Variants in ZFAND3 observed in about 807,000 individuals in gnomAD.
ZFAND3 encodes the protein zinc finger AN1-type containing 3, also known as AN1-type zinc finger protein 3.
A neutral mutation model predicts 29.6 loss-of-function variants in ZFAND3; 10 were observed. The ratio of observed to expected loss-of-function variants is 0.34; its 90% CI spans 0.21 to 0.57. The LOEUF (loss-of-function observed/expected upper bound fraction) is 0.57. Ranked by LOEUF, ZFAND3 falls within the 20% of genes least tolerant of loss-of-function variation. The pLI is 0.86. For missense variants in ZFAND3, 230 were observed against 304.5 expected, an observed-to-expected ratio of 0.76 and a Z score of 1.82; for synonymous variants, 128 against 112.6, an observed-to-expected ratio of 1.14 and a Z score of -0.87.
At position 38,152,834 on chromosome 6, in the gene ZFAND3, T is replaced by C. The variant is rs1393177771; in HGVS notation, c.*445T>C. On this transcript the variant is annotated 3_prime_UTR_variant, in exon 6 of 6. Coordinates refer to ENST00000287218, the MANE Select transcript of ZFAND3 (RefSeq NM_021943.3). ...GATCGGCCTTTCACCTCTTCACTTATCCTTAGTCCCAGTAGCCAGGATACC... is the reference window on the plus strand; with the variant it reads ...GATCGGCCTTTCACCTCTTCACTTACCCTTAGTCCCAGTAGCCAGGATACC... 2.0e-6 allele frequency: 2 copies of C among 986,288 alleles called. No individual in the cohort carries two copies. Among genetic ancestry groups the C allele is most frequent in the South Asian group, 4.7e-5 (1 of 21,288 alleles). The allele number at this position is 986,288 out of a possible 1,614,324, so 61.1% of individuals were successfully genotyped here.
At chr6:37,828,983 T>C (rs975642983) in intron 1 of ZFAND3, among the ~76,000 whole-genome samples, 8 of 152,202 alleles carry the variant, frequency 5.3e-5, no homozygotes, top group African/African-American at 1.9e-4. Flanking sequence ...CAGTTGCTGC[T>C]GAAATCTAAA....
intron 1 of ZFAND3, among the ~76,000 whole-genome samples, chr6:37,928,975 T>G (rs1195556468): frequency 1.3e-5 from 2 of 152,212 alleles, no homozygotes; most frequent in Non-Finnish European, 2.9e-5. Flanking sequence ...CCTAGAACAG[T>G]CTGCCCACCT....
intron 3 of ZFAND3, among the ~76,000 whole-genome samples, chr6:38,073,512 C>A (rs924271790): frequency 1.3e-5 from 2 of 152,020 alleles, no homozygotes; most frequent in African/African-American, 2.4e-5. Context: ...AGGTGACAGC[C>A]CCTAATTTTG....
At chr6:37,850,404 A>G (rs1764259562) in intron 1 of ZFAND3, among the ~76,000 whole-genome samples, 2 of 152,222 alleles carry the variant, frequency 1.3e-5, no homozygotes, top group Non-Finnish European at 2.9e-5. Context: ...CATACGGAGA[A>G]TAAGTCACTG....
chr6:38,108,650 C>G (rs1765255118), intron 4 of ZFAND3, among the ~76,000 whole-genome samples: 1 of 152,206 alleles, frequency 6.6e-6, no homozygotes. Context: ...CTTCCTCCTG[C>G]TGTGTTCTGG....
At chr6:37,860,685 A>G (rs896131770) in intron 1 of ZFAND3, among the ~76,000 whole-genome samples, 6 of 137,998 alleles carry the variant, frequency 4.3e-5, no homozygotes, top group African/African-American at 1.1e-4. Flanking sequence ...AGTTAACACT[A>G]TATACCATAT....
intron 1 of ZFAND3, among the ~76,000 whole-genome samples, chr6:37,852,775 G>A (rs777194302): frequency 6.6e-6 from 1 of 150,808 alleles, no homozygotes; most frequent in Non-Finnish European, 1.5e-5. Flanking sequence ...CAGTGCAGTG[G>A]CATGATCTCG....
At chr6:37,962,483 C>T (rs1017173902) in intron 2 of ZFAND3, among the ~76,000 whole-genome samples, 1 of 152,144 alleles carries the variant, frequency 6.6e-6, no homozygotes, top group Admixed American at 6.5e-5. Flanking sequence ...TATCCAAGTA[C>T]ATGTGAGAGG....
At chr6:37,842,161 C>T (rs574684503) in intron 1 of ZFAND3, among the ~76,000 whole-genome samples, 36 of 152,252 alleles carry the variant, frequency 2.4e-4, no homozygotes, top group Non-Finnish European at 4.7e-4. Flanking sequence ...CTATCACATT[C>T]GGTATTCGGT....
chr6:37,843,417 G>A (rs992914780), intron 1 of ZFAND3, among the ~76,000 whole-genome samples: 3 of 151,834 alleles, frequency 2.0e-5, no homozygotes, highest in African/African-American at 7.3e-5. Flanking sequence ...AACCCGGGAG[G>A]CGGAGCTTGC....
At chr6:38,075,629 A>G (rs1352666627) in intron 3 of ZFAND3, among the ~76,000 whole-genome samples, 1 of 152,230 alleles carries the variant, frequency 6.6e-6, no homozygotes, top group African/African-American at 2.4e-5. Flanking sequence ...TTGATAAAAC[A>G]ATAGCAGAGT....
At chr6:38,073,336 GA>G (rs569460054) in intron 3 of ZFAND3, among the ~76,000 whole-genome samples, 4,014 of 117,760 alleles carry the variant, frequency 0.034, 135 homozygotes, top group African/African-American at 0.11. Context: ...AACTATGTTT[GA>G]AAAAAAAAAA....
intron 1 of ZFAND3, among the ~76,000 whole-genome samples, chr6:37,894,261 C>T (rs769217365): frequency 6.6e-6 from 1 of 152,086 alleles, no homozygotes; most frequent in Non-Finnish European, 1.5e-5. Flanking sequence ...AAAAATAAAG[C>T]AGTTGTCTTT....
At chr6:37,886,688 T>C (rs1429319486) in intron 1 of ZFAND3, among the ~76,000 whole-genome samples, 1 of 152,126 alleles carries the variant, frequency 6.6e-6, no homozygotes, top group East Asian at 1.9e-4. Context: ...ATGTTTTGGA[T>C]TTTATAATTA....
At chr6:37,950,464 G>T (rs1761979128) in intron 2 of ZFAND3, among the ~76,000 whole-genome samples, 1 of 150,784 alleles carries the variant, frequency 6.6e-6, no homozygotes, top group African/African-American at 2.4e-5. Flanking sequence ...TGCAACCTCT[G>T]CCCCCTAGGT....
At chr6:38,033,481 G>A (rs1484918801) in intron 2 of ZFAND3, among the ~76,000 whole-genome samples, 3 of 152,130 alleles carry the variant, frequency 2.0e-5, no homozygotes, top group African/African-American at 7.2e-5. Context: ...CTCATTTTAA[G>A]ACAGGGGTTC....
intron 3 of ZFAND3, among the ~76,000 whole-genome samples, chr6:38,067,505 A>G (rs570569496): frequency 6.6e-6 from 1 of 152,228 alleles, no homozygotes; most frequent in Non-Finnish European, 1.5e-5. Flanking sequence ...TCTAAAGGAC[A>G]TTGCATGCAA....
chr6:38,128,511 A>G (rs990029172), intron 5 of ZFAND3, among the ~76,000 whole-genome samples: 3 of 152,096 alleles, frequency 2.0e-5, no homozygotes, highest in Non-Finnish European at 4.4e-5. Context: ...TGAGTCTCCA[A>G]AGTCGTTGTG....
At chr6:38,025,815 A>C (rs1348606117) in intron 2 of ZFAND3, among the ~76,000 whole-genome samples, 1 of 152,244 alleles carries the variant, frequency 6.6e-6, no homozygotes, top group African/African-American at 2.4e-5. Flanking sequence ...TGTCCAAAAT[A>C]GGCAGATCTA....
Sources: gnomAD v4.1 joint callset for allele counts (sites outside exome capture counted in the v4.1 genomes callset) on GRCh38, gnomAD v4.1.1 for gene constraint, MANE v1.5 for transcripts, NCBI Gene and HGNC (gene_info 2026-07-23, HGNC 2026-07-21) for gene names.